RASGEF1C: variants seen among roughly 807,000 people sequenced by gnomAD.
RASGEF1C encodes the protein RasGEF domain family member 1C, also known as ras-GEF domain-containing family member 1C.
In RASGEF1C, 27 loss-of-function variants were observed where a neutral mutation model predicts 58.1. That is an observed-to-expected ratio of 0.46 (90% CI 0.34 to 0.64). The LOEUF is 0.64. RASGEF1C is among the 30% of genes least tolerant of loss of function. The pLI is 0.01. For missense variants in RASGEF1C, 502 were observed against 605.1 expected (o/e 0.83, Z 1.79); for synonymous variants, 243 against 246.3 (o/e 0.99, Z 0.13).
intron 3 of RASGEF1C, among the ~76,000 whole-genome samples, chr5:180,136,951 T>A (rs1766490408): frequency 6.6e-6 from 1 of 152,026 alleles, no homozygotes; most frequent in African/African-American, 2.4e-5. Context: ...GAAAAGGAAT[T>A]GAGGCTTCCA....
In RASGEF1C at chr5:180,168,822, TA is replaced by T. The variant is rs1344979326; in HGVS notation, c.-6-30765del. Among the ~76,000 whole-genome samples the T allele has an allele frequency of 6.6e-6, 1 of 152,198 alleles. No homozygotes were observed. The highest frequency in any genetic ancestry group is 1.5e-5 in the Non-Finnish European group (1 of 68,030). ...GATTTTCTCCATGCTCTGTGAATAA[TA>T]AGAGACCCTCCTCCCGTTCCTCAAA... On this transcript the variant is annotated intron_variant, in intron 1 of 13. Transcript: ENST00000361132. This position sits in a 1 kb window ranked among gnomAD's most constrained non-coding sequence, Gnocchi z 6.0.
chr5:180,130,744 T>A (rs1766353049), intron 4 of RASGEF1C, among the ~76,000 whole-genome samples: 1 of 152,194 alleles, frequency 6.6e-6, no homozygotes, highest in Admixed American at 6.5e-5. Context: ...TTCTTCCTGC[T>A]CTGTCTAGGC....
chr5:180,145,185 A>G (rs954241666), intron 1 of RASGEF1C, among the ~76,000 whole-genome samples: 3 of 152,054 alleles, frequency 2.0e-5, no homozygotes, highest in Non-Finnish European at 4.4e-5. Context: ...CCGTGGTGCA[A>G]TCTCAGCTCA....
intron 4 of RASGEF1C, among the ~76,000 whole-genome samples, chr5:180,133,908 C>T (rs553765065): frequency 9.2e-5 from 14 of 152,366 alleles, no homozygotes; most frequent in African/African-American, 3.4e-4. Flanking sequence ...AGCAAGCACA[C>T]ACCTGACTTC....
intron 1 of RASGEF1C, among the ~76,000 whole-genome samples, chr5:180,162,082 G>A (rs1334200961): frequency 6.6e-6 from 1 of 152,264 alleles, no homozygotes; most frequent in Non-Finnish European, 1.5e-5. Context: ...GTGGCCTCAT[G>A]TCCCCCACGG....
chr5:180,193,555 G>A (rs1344039498), intron 1 of RASGEF1C, among the ~76,000 whole-genome samples: 1 of 152,024 alleles, frequency 6.6e-6, no homozygotes, highest in Non-Finnish European at 1.5e-5. Flanking sequence ...GACTCAACAG[G>A]ACAAGTGTTC....
At chr5:180,127,401 G>A (rs895641758) in intron 6 of RASGEF1C, among the ~76,000 whole-genome samples, 1 of 152,220 alleles carries the variant, frequency 6.6e-6, no homozygotes, top group Non-Finnish European at 1.5e-5. Context: ...CGTCCCGCAC[G>A]TCCAGGCTTT....
At chr5:180,152,443 C>G (rs1766767681) in intron 1 of RASGEF1C, among the ~76,000 whole-genome samples, 1 of 151,656 alleles carries the variant, frequency 6.6e-6, no homozygotes, top group African/African-American at 2.4e-5. Flanking sequence ...AACCATCATT[C>G]TCAGCAAACT....
Position 180,118,772 on chromosome 5 carries a change from A to G in RASGEF1C, c.987+15T>C. 6.2e-7 allele frequency: 1 copy of G among 1,614,142 alleles called. No homozygotes were observed. Among genetic ancestry groups the G allele is most frequent in the Non-Finnish European group, 8.5e-7 (1 of 1,179,950 alleles). On this transcript the variant is annotated intron_variant, in intron 9 of 13. Coordinates refer to ENST00000361132, the MANE Select transcript of RASGEF1C (RefSeq NM_175062.4). The stretch of plus-strand genomic sequence containing the variant: ...GATGGCCGGAGGCACCCGGCAGCCC[A>G]GCAGCCTCATTTACCTCGAGGATGA...
At chr5:180,135,603 G>A (rs1303795642) in intron 4 of RASGEF1C, among the ~76,000 whole-genome samples, 1 of 152,222 alleles carries the variant, frequency 6.6e-6, no homozygotes, top group African/African-American at 2.4e-5. Context: ...GGGAGGTGAA[G>A]ATTTTTGTCC....
At chr5:180,160,635 A>G (rs187244134) in intron 1 of RASGEF1C, among the ~76,000 whole-genome samples, 1 of 152,022 alleles carries the variant, frequency 6.6e-6, no homozygotes, top group Non-Finnish European at 1.5e-5. Flanking sequence ...CACAATATGC[A>G]TGTCATCAGT....
intron 12 of RASGEF1C, among the ~76,000 whole-genome samples, chr5:180,105,822 C>G (rs934934925): frequency 6.6e-6 from 1 of 150,728 alleles, no homozygotes; most frequent in Admixed American, 6.6e-5. Context: ...GAGCCGAGAT[C>G]GTGCCACTGC....
chr5:180,137,978 A>G lies in RASGEF1C; in HGVS notation c.75T>C (p.Asp25=), dbSNP rs771684207. Residue 25 remains aspartate, a synonymous_variant, in exon 2 of 14, where the codon GAT becomes GAC. Transcript: ENST00000361132. This position sits in a 1 kb window ranked among gnomAD's most constrained non-coding sequence, Gnocchi z 4.1. Reference sequence around the variant, plus strand: ...GGAGGGGCTGCCCAGCCTGTTCGCCATCTGTGGGCTCGGTGGGGGGTGGGC... The same window carrying G: ...GGAGGGGCTGCCCAGCCTGTTCGCCGTCTGTGGGCTCGGTGGGGGGTGGGC... ...SLSPPPTEPT[D]GEQAGQPLLD... is the part of the protein sequence containing the mutation. The G allele has an allele frequency of 1.9e-6, 3 of 1,592,208 alleles. No individual in the cohort carries two copies. Among genetic ancestry groups the G allele is most frequent in the South Asian group, 2.3e-5 (2 of 88,208 alleles).
intron 1 of RASGEF1C, among the ~76,000 whole-genome samples, chr5:180,190,311 C>T (rs556033530): frequency 4.6e-5 from 7 of 151,862 alleles, no homozygotes; most frequent in Middle Eastern, 6.8e-3. Context: ...CACGGTGAAA[C>T]CCCGTCTCTA....
At chr5:180,169,247 G>T (rs540270171) in intron 1 of RASGEF1C, among the ~76,000 whole-genome samples, 1 of 152,246 alleles carries the variant, frequency 6.6e-6, no homozygotes, top group Non-Finnish European at 1.5e-5. Context: ...TTTAACAAAC[G>T]AGCTGATTTT....
At chr5:180,206,596 C>T (rs980191330) in intron 1 of RASGEF1C, among the ~76,000 whole-genome samples, 16 of 152,208 alleles carry the variant, frequency 1.1e-4, no homozygotes, top group African/African-American at 3.9e-4. Flanking sequence ...TCTAAATATA[C>T]ACCTTTGCAA....
At chr5:180,141,339 GA>G (rs1305172728) in intron 1 of RASGEF1C, among the ~76,000 whole-genome samples, 1 of 152,248 alleles carries the variant, frequency 6.6e-6, no homozygotes, top group Non-Finnish European at 1.5e-5. Context: ...GTGACGAATG[GA>G]TGGAGAAAAC....
At chr5:180,205,836 G>A (rs984097608) in intron 1 of RASGEF1C, among the ~76,000 whole-genome samples, 2 of 151,940 alleles carry the variant, frequency 1.3e-5, no homozygotes, top group Non-Finnish European at 2.9e-5. Flanking sequence ...AGGTTCAGGC[G>A]ATTCTCATGC....
chr5:180,191,272 C>T (rs976561565), intron 1 of RASGEF1C, among the ~76,000 whole-genome samples: 1 of 152,198 alleles, frequency 6.6e-6, no homozygotes, highest in African/African-American at 2.4e-5. Flanking sequence ...TTTAACCTGG[C>T]CATTCCACTG....
Sources: allele counts gnomAD v4.1 joint callset (sites outside exome capture counted in the v4.1 genomes callset), GRCh38; gene constraint gnomAD v4.1.1; non-coding constraint Gnocchi (gnomAD v3.1); transcripts MANE v1.5; gene names NCBI Gene and HGNC (gene_info 2026-07-23, HGNC 2026-07-21).